Variants in PCDHGB1 observed in about 807,000 individuals in gnomAD.
PCDHGB1 encodes protocadherin gamma-B1.
PCDHGB1 carries 34 observed loss-of-function variants against 56.6 expected under a neutral mutation model. That is an observed-to-expected ratio of 0.60 (90% CI 0.46 to 0.80). The LOEUF (loss-of-function observed/expected upper bound fraction) is 0.80. PCDHGB1 is among the 30% of genes least tolerant of loss of function. The pLI is 0.00. For synonymous variants in PCDHGB1, 561 were observed against 505.9 expected (o/e 1.11, Z -1.46); for missense variants, 1,278 against 1,204.6 (o/e 1.06, Z -0.90).
chr5:141,361,548 C>A lies in PCDHGB1; in HGVS notation c.2409+8879C>A, dbSNP rs374369531. The A allele has an allele frequency of 5.5e-5, 88 of 1,613,976 alleles. 1 individual carries two copies. Among genetic ancestry groups the A allele is most frequent in the South Asian group, 2.1e-4 (19 of 91,092 alleles). ...AGAACAATCCTCCTGGCGCCTCTAT[C>A]GCTCAAATCAGTGCCTCTGACCCTG... On this transcript the variant is annotated intron_variant, in intron 1 of 3. Coordinates refer to ENST00000523390, the MANE Select transcript of PCDHGB1 (RefSeq NM_018922.3).
chr5:141,362,515 G>C, intron 1 of PCDHGB1: 1 of 1,613,978 alleles, frequency 6.2e-7, no homozygotes. Context: ...TACAAATCAT[G>C]GAGCCGCTGG....
chr5:141,458,933 A>G (rs920768063), intron 1 of PCDHGB1, among the ~76,000 whole-genome samples: 3 of 151,912 alleles, frequency 2.0e-5, no homozygotes, highest in Admixed American at 6.6e-5. Flanking sequence ...GGGTCTCACT[A>G]TGTTGCTTAG....
rs184835272 is a variant in PCDHGB1, at chr5:141,470,234, C to A, written c.2410-24573C>A. ...AACCATTCAGCTTCTTCACCAAACC[C>A]TTGAATGTCCCACCTGTCTAAATGG... On this transcript the variant is annotated intron_variant, in intron 1 of 3. Transcript: ENST00000523390. Among the ~76,000 whole-genome samples, 6 of 152,288 alleles carry A rather than the reference C, an allele frequency of 3.9e-5. No individual in the cohort carries two copies. The East Asian group carries it at 9.6e-4, about 24-fold the overall frequency.
At chr5:141,415,315 G>A (rs201784236) in intron 1 of PCDHGB1, 2 of 1,614,220 alleles carry the variant, frequency 1.2e-6, no homozygotes, top group Middle Eastern at 1.6e-4. Context: ...CTTCGTCATC[G>A]TGCTGCTGGC....
At chr5:141,409,219 T>A in intron 1 of PCDHGB1, 1 of 1,614,022 alleles carries the variant, frequency 6.2e-7, no homozygotes, top group Non-Finnish European at 8.5e-7. Context: ...AAATCCTTGA[T>A]GAAAACGACA....
At position 141,350,158 on chromosome 5, in the gene PCDHGB1, C is replaced by T. The variant is rs1758419902; in HGVS notation, c.-103C>T. 1.9e-6 allele frequency: 2 copies of T among 1,055,330 alleles called. No homozygotes were observed. 65.4% of individuals were successfully genotyped at this position (1,055,330 alleles called of 1,614,324 possible). ...CGCTGCTCCTGTTCACCCTCGAGCG[C>T]CTAACTAATAAGTCCTAAGCTCAAA... On this transcript the variant is annotated 5_prime_UTR_variant, in exon 1 of 4. Transcript: ENST00000523390.
At chr5:141,372,521 G>A (rs1768831766) in intron 1 of PCDHGB1, 1 of 1,614,014 alleles carries the variant, frequency 6.2e-7, no homozygotes, top group Non-Finnish European at 8.5e-7. Flanking sequence ...CGGTGATTCT[G>A]GCAATCTCCC....
chr5:141,404,929 G>A (rs766845913), intron 1 of PCDHGB1: 46 of 1,613,744 alleles, frequency 2.9e-5, no homozygotes, highest in Admixed American at 2.3e-4. Flanking sequence ...CCACTGTCAC[G>A]CTCACAGTAG....
chr5:141,390,157 G>A, intron 1 of PCDHGB1: 3 of 1,614,020 alleles, frequency 1.9e-6, no homozygotes, highest in Middle Eastern at 3.3e-4. Context: ...GCACATACAG[G>A]AAAGACGGAG....
At chr5:141,418,347 G>A in intron 1 of PCDHGB1, 1 of 1,614,024 alleles carries the variant, frequency 6.2e-7, no homozygotes, top group Non-Finnish European at 8.5e-7. Flanking sequence ...CCTGATATTA[G>A]TATGAATTCG....
intron 1 of PCDHGB1, chr5:141,424,664 A>T (rs923488035): frequency 6.6e-6 from 1 of 152,124 alleles, no homozygotes; most frequent in African/African-American, 2.4e-5. Flanking sequence ...CTTTAATTAA[A>T]CTGATTTAGC....
At position 141,476,744 on chromosome 5, in the gene PCDHGB1, CT is replaced by C; in HGVS notation, c.2410-18062del. ...CCTGGACCGAGAACGGGAGCCTAGT[CT>C]CCAGTTAGTGCTGACGGCGTTGGAC... is the stretch of plus-strand genomic sequence containing the variant. On this transcript the variant is annotated intron_variant, in intron 1 of 3. Coordinates refer to ENST00000523390, the MANE Select transcript of PCDHGB1 (RefSeq NM_018922.3). The surrounding 1 kb of genome is among the most constrained non-coding windows in gnomAD (Gnocchi z 7.6). 6.2e-7 allele frequency: 1 copy of C among 1,614,046 alleles called. No homozygotes were observed. Among genetic ancestry groups the C allele is most frequent in the East Asian group, 2.2e-5 (1 of 44,884 alleles).
At chr5:141,446,595 GCCTCC>G (rs2098508132) in intron 1 of PCDHGB1, among the ~76,000 whole-genome samples, 2 of 152,012 alleles carry the variant, frequency 1.3e-5, no homozygotes, top group South Asian at 4.1e-4. Context: ...TTCTGCCTCA[GCCTCC>G]TGAGTAGCTG....
chr5:141,485,958 T>C lies in PCDHGB1; in HGVS notation c.2410-8849T>C. On this transcript the variant is annotated intron_variant, in intron 1 of 3. Transcript: ENST00000523390. The surrounding 1 kb of genome is among the most constrained non-coding windows in gnomAD (Gnocchi z 5.7). ...AGCGCACCAGCGGGCATGGTGCTCATCCAGCTCAATGCCTCAGACCCGGAC... is the reference window on the plus strand; with the variant it reads ...AGCGCACCAGCGGGCATGGTGCTCACCCAGCTCAATGCCTCAGACCCGGAC... 1 of 1,614,190 alleles carries C rather than the reference T, an allele frequency of 6.2e-7. No individual in the cohort carries two copies. The highest frequency in any genetic ancestry group is 8.5e-7 in the Non-Finnish European group (1 of 1,180,032).
intron 1 of PCDHGB1, chr5:141,408,367 G>T: frequency 6.2e-7 from 1 of 1,613,998 alleles, no homozygotes; most frequent in Non-Finnish European, 8.5e-7. Context: ...AGGATCTAGG[G>T]CTCAGTGTCC....
In PCDHGB1 at chr5:141,493,307, AAG is replaced by A. The variant is rs2099747490; in HGVS notation, c.2410-1494_2410-1493del. Among the ~76,000 whole-genome samples, 1 of 152,234 alleles carries A rather than the reference AAG, an allele frequency of 6.6e-6. No homozygotes were observed. Among genetic ancestry groups the A allele is most frequent in the South Asian group, 2.1e-4 (1 of 4,832 alleles). ...ACTTGCTCAAGTTCACAGAGCAAGT[AAG>A]AGAGATTCTAACCCCTGTCTAACTC... On this transcript the variant is annotated intron_variant, in intron 1 of 3. Transcript: ENST00000523390. This position sits in a 1 kb window ranked among gnomAD's most constrained non-coding sequence, Gnocchi z 4.3.
chr5:141,378,459 G>T (rs1022046466), intron 1 of PCDHGB1: 5 of 152,250 alleles, frequency 3.3e-5, no homozygotes, highest in Admixed American at 6.5e-5. Context: ...TGAGGCAGAG[G>T]TTGCAGTGAG....
At chr5:141,494,972 C>G in intron 2 of PCDHGB1, 107 bp downstream of exon 2, 1 of 1,581,852 alleles carries the variant, frequency 6.3e-7, no homozygotes, top group Non-Finnish European at 8.6e-7. Context: ...TGGCTTCTCC[C>G]TCAGTTTGAG....
intron 1 of PCDHGB1, chr5:141,403,090 C>T (rs2094352394): frequency 6.2e-7 from 1 of 1,614,068 alleles, no homozygotes; most frequent in Non-Finnish European, 8.5e-7. Context: ...ATATTGTGGG[C>T]AACATCTCCA....
Sources: gnomAD v4.1 joint callset for allele counts (sites outside exome capture counted in the v4.1 genomes callset) on GRCh38, gnomAD v4.1.1 for gene constraint, Gnocchi (gnomAD v3.1) non-coding constraint, MANE v1.5 for transcripts, NCBI Gene and HGNC (gene_info 2026-07-23, HGNC 2026-07-21) for gene names.